Variants in CADM2 observed in about 807,000 individuals in gnomAD.
CADM2 encodes cell adhesion molecule 2.
CADM2 carries 12 observed loss-of-function variants against 49.8 expected under a neutral mutation model. The observed-to-expected ratio is 0.24, with a 90% CI of 0.15 to 0.39. The LOEUF (loss-of-function observed/expected upper bound fraction) is 0.39. Among genes scored for constraint, CADM2 ranks in the 10% least tolerant of loss-of-function variants. The pLI is 1.00. For missense variants in CADM2, 378 were observed against 492.3 expected (o/e 0.77, Z 2.20); for synonymous variants, 214 against 175.4 (o/e 1.22, Z -1.74).
chr3:85,514,795 T>C (rs1371248771), intron 1 of CADM2, among the ~76,000 whole-genome samples: 1 of 152,132 alleles, frequency 6.6e-6, no homozygotes, highest in Non-Finnish European at 1.5e-5. Context: ...GAAATTAACT[T>C]TTCTTTCTTC....
intron 8 of CADM2, among the ~76,000 whole-genome samples, chr3:85,969,013 T>A (rs1376626807): frequency 6.6e-6 from 1 of 151,632 alleles, no homozygotes; most frequent in East Asian, 2.0e-4. Flanking sequence ...CGAAGTTCCA[T>A]CAACGTTGCT....
chr3:85,393,016 A>G (rs2034592161), intron 1 of CADM2, among the ~76,000 whole-genome samples: 1 of 151,984 alleles, frequency 6.6e-6, no homozygotes, highest in African/African-American at 2.4e-5. Context: ...GCTGAATTCC[A>G]TGAACAATTT....
At position 85,407,453 on chromosome 3, in the gene CADM2, A is replaced by C. The variant is rs116796042; in HGVS notation, c.62-319069A>C. On this transcript the variant is annotated intron_variant, in intron 1 of 9. Coordinates refer to ENST00000383699, the MANE Select transcript of CADM2 (RefSeq NM_001167675.2). ...GAACTTTTACACAACCGCTTCTACCATTTTGAAATATCCCCCTAACCTCTC... is the reference window on the plus strand; with the variant it reads ...GAACTTTTACACAACCGCTTCTACCCTTTTGAAATATCCCCCTAACCTCTC... Among the ~76,000 whole-genome samples, 1,364 of 152,204 alleles carry C rather than the reference A, an allele frequency of 9.0e-3. 17 individuals carry two copies. Among genetic ancestry groups the C allele is most frequent in the African/African-American group, 0.03 (1,236 of 41,530 alleles).
In CADM2 at chr3:85,840,168, T is replaced by A. The variant is rs533491173; in HGVS notation, c.238+37972T>A. 5.9e-5 allele frequency among the ~76,000 whole-genome samples: 9 copies of A among 152,060 alleles called. No individual in the cohort carries two copies. In the South Asian group the frequency reaches 1.9e-3, roughly 32 times the overall value. ...CTTTGACTGCTCCTATTGCATCAAC[T>A]GTAATTAGCTTTTGATTACTGTTAA... is the stretch of plus-strand genomic sequence containing the variant. On this transcript the variant is annotated intron_variant, in intron 3 of 9. Transcript: ENST00000383699.
rs1369638183 is a variant in CADM2, at chr3:85,769,523, A to C, written c.89-32524A>C. The stretch of plus-strand genomic sequence containing the variant: ...TATATGTATATATACACGTATATAC[A>C]TATATGTATATATACACGTATATAC... On this transcript the variant is annotated intron_variant, in intron 2 of 9. Transcript: ENST00000383699. Among the ~76,000 whole-genome samples, 2 of 117,538 alleles carry C rather than the reference A, an allele frequency of 1.7e-5. 1 individual carries two copies. Among genetic ancestry groups the C allele is most frequent in the East Asian group, 4.9e-4 (2 of 4,116 alleles). 77.1% of individuals were successfully genotyped at this position (117,538 alleles called of 152,430 possible).
At chr3:85,464,992 A>G (rs1364270512) in intron 1 of CADM2, among the ~76,000 whole-genome samples, 4 of 152,134 alleles carry the variant, frequency 2.6e-5, no homozygotes, top group Non-Finnish European at 5.9e-5. Flanking sequence ...TACTGAAAAT[A>G]CTAAAAATTA....
At chr3:85,475,565 ATTAC>A (rs1446569776) in intron 1 of CADM2, among the ~76,000 whole-genome samples, 1 of 151,904 alleles carries the variant, frequency 6.6e-6, no homozygotes, top group Non-Finnish European at 1.5e-5. Context: ...TAACGTAGTC[ATTAC>A]TTATCATGTG....
At chr3:85,840,731 C>A (rs1027924204) in intron 3 of CADM2, among the ~76,000 whole-genome samples, 1 of 151,742 alleles carries the variant, frequency 6.6e-6, no homozygotes, top group Non-Finnish European at 1.5e-5. Flanking sequence ...TGGCCTATAT[C>A]ATAATTAATG....
intron 1 of CADM2, among the ~76,000 whole-genome samples, chr3:85,184,041 A>G (rs1365946058): frequency 6.6e-6 from 1 of 152,170 alleles, no homozygotes; most frequent in Admixed American, 6.6e-5. Context: ...GATGTCCAGA[A>G]AACTGTAAGC....
chr3:85,226,504 C>A lies in CADM2; in HGVS notation c.61+266836C>A, dbSNP rs188784613. ...CATTTTTTATCGCACCTATTTGATT[C>A]TTCTCTCTTCTCTTCTTTATTAGTC... is the stretch of plus-strand genomic sequence containing the variant. On this transcript the variant is annotated intron_variant, in intron 1 of 9. Coordinates refer to ENST00000383699, the MANE Select transcript of CADM2 (RefSeq NM_001167675.2). Among the ~76,000 whole-genome samples the A allele has an allele frequency of 1.9e-3, 283 of 151,912 alleles. 1 individual carries two copies. The highest frequency in any genetic ancestry group is 6.3e-3 in the African/African-American group (263 of 41,434).
At chr3:85,787,048 A>G (rs533914840) in intron 2 of CADM2, among the ~76,000 whole-genome samples, 3 of 152,092 alleles carry the variant, frequency 2.0e-5, no homozygotes, top group Non-Finnish European at 4.4e-5. Flanking sequence ...ATTTACACCC[A>G]TAGGTGGATT....
chr3:85,998,251 A>G (rs1395150343), intron 8 of CADM2, among the ~76,000 whole-genome samples: 1 of 152,162 alleles, frequency 6.6e-6, no homozygotes, highest in Non-Finnish European at 1.5e-5. Flanking sequence ...TCATACTGTG[A>G]TATAACAACT....
At chr3:85,758,327 C>T (rs1559636943) in intron 2 of CADM2, among the ~76,000 whole-genome samples, 1 of 152,072 alleles carries the variant, frequency 6.6e-6, no homozygotes, top group South Asian at 2.1e-4. Flanking sequence ...ACCATACTGC[C>T]ATGCACAGAG....
At chr3:85,416,642 T>G (rs1234006198) in intron 1 of CADM2, among the ~76,000 whole-genome samples, 1 of 152,026 alleles carries the variant, frequency 6.6e-6, no homozygotes, top group African/African-American at 2.4e-5. Context: ...GCAACCAAGA[T>G]AAATTGTGTG....
At chr3:85,956,628 G>C (rs1363544588) in intron 7 of CADM2, among the ~76,000 whole-genome samples, 1 of 150,480 alleles carries the variant, frequency 6.6e-6, no homozygotes, top group Non-Finnish European at 1.5e-5. Flanking sequence ...CAATTTTGTA[G>C]ATGCTGTTGT....
intron 1 of CADM2, among the ~76,000 whole-genome samples, chr3:85,214,628 A>C (rs7630177): frequency 0.23 from 34,406 of 151,354 alleles, 6,540 homozygotes; most frequent in African/African-American, 0.53. Context: ...TAATACCTGG[A>C]ACTCTATTCT....
intron 1 of CADM2, among the ~76,000 whole-genome samples, chr3:85,595,716 G>T (rs1252437726): frequency 6.6e-6 from 1 of 151,934 alleles, no homozygotes; most frequent in Non-Finnish European, 1.5e-5. Flanking sequence ...TCTGTCACAA[G>T]GAGGGACCAT....
At chr3:85,583,308 G>A (rs2062849053) in intron 1 of CADM2, among the ~76,000 whole-genome samples, 1 of 152,028 alleles carries the variant, frequency 6.6e-6, no homozygotes, top group African/African-American at 2.4e-5. Context: ...AACCAGGGTT[G>A]GATATTTTCC....
intron 8 of CADM2, among the ~76,000 whole-genome samples, chr3:85,976,021 GTA>G (rs1726731550): frequency 6.6e-6 from 1 of 151,476 alleles, no homozygotes; most frequent in Middle Eastern, 3.2e-3. Context: ...TAAAATATTA[GTA>G]TAACTGCAGA....
Sources: gnomAD v4.1 joint callset for allele counts (sites outside exome capture counted in the v4.1 genomes callset) on GRCh38, gnomAD v4.1.1 for gene constraint, MANE v1.5 for transcripts, NCBI Gene and HGNC (gene_info 2026-07-23, HGNC 2026-07-21) for gene names.